Variants in THSD7B observed in about 807,000 individuals in gnomAD.
THSD7B encodes the protein thrombospondin type-1 domain-containing protein 7B.
A neutral mutation model predicts 213.6 loss-of-function variants in THSD7B; 138 were observed. The ratio of observed to expected loss-of-function variants is 0.65; its 90% CI spans 0.56 to 0.74. The LOEUF (loss-of-function observed/expected upper bound fraction) is 0.74, where lower values mean the gene tolerates loss of function less well. Ranked by LOEUF, THSD7B falls within the 30% of genes least tolerant of loss-of-function variation. The pLI is 0.00. For missense variants in THSD7B, 1,931 were observed against 1,991.5 expected, an observed-to-expected ratio of 0.97 and a Z score of 0.58; for synonymous variants, 742 against 687.0, an observed-to-expected ratio of 1.08 and a Z score of -1.25.
At chr2:137,359,703 G>C (rs900692089) in intron 12 of THSD7B, among the ~76,000 whole-genome samples, 1 of 152,142 alleles carries the variant, frequency 6.6e-6, no homozygotes, top group Non-Finnish European at 1.5e-5. Context: ...CCTGGGTACC[G>C]TGAACTTCTA....
At chr2:137,297,884 C>G (rs1282407718) in intron 12 of THSD7B, among the ~76,000 whole-genome samples, 2 of 152,150 alleles carry the variant, frequency 1.3e-5, no homozygotes, top group Non-Finnish European at 2.9e-5. Flanking sequence ...AAACCTCTTT[C>G]TTTTGTAAAT....
chr2:137,366,394 A>T (rs1429909058), intron 12 of THSD7B, among the ~76,000 whole-genome samples: 1 of 145,280 alleles, frequency 6.9e-6, no homozygotes, highest in African/African-American at 2.6e-5. Context: ...GTATAATAAT[A>T]AAAAAAAAAA....
chr2:137,014,633 C>T (rs1450570828), intron 2 of THSD7B, among the ~76,000 whole-genome samples: 1 of 152,196 alleles, frequency 6.6e-6, no homozygotes, highest in Admixed American at 6.5e-5. Flanking sequence ...CCAATTCAGG[C>T]TGCCCAGTGT....
At chr2:137,375,318 A>G (rs1010397384) in intron 12 of THSD7B, among the ~76,000 whole-genome samples, 7 of 152,204 alleles carry the variant, frequency 4.6e-5, no homozygotes, top group African/African-American at 7.2e-5. Context: ...GTCATTTGGT[A>G]TTGAAATATA....
At chr2:137,417,594 A>C (rs765870613) in intron 14 of THSD7B, among the ~76,000 whole-genome samples, 1 of 151,668 alleles carries the variant, frequency 6.6e-6, no homozygotes, top group Non-Finnish European at 1.5e-5. Flanking sequence ...CTAATTTTTT[A>C]TTTTTATTTT....
chr2:136,893,247 T>C (rs1204199271), intron 2 of THSD7B, among the ~76,000 whole-genome samples: 1 of 152,186 alleles, frequency 6.6e-6, no homozygotes, highest in Non-Finnish European at 1.5e-5. Context: ...TTTTTCAGAT[T>C]AAAACTTCAA....
intron 17 of THSD7B, among the ~76,000 whole-genome samples, chr2:137,600,891 G>T (rs915696341): frequency 6.6e-6 from 1 of 152,104 alleles, no homozygotes; most frequent in Non-Finnish European, 1.5e-5. Flanking sequence ...AAGACAGGGA[G>T]GTGGAAGACA....
intron 15 of THSD7B, among the ~76,000 whole-genome samples, chr2:137,541,398 A>C (rs969249442): frequency 6.6e-6 from 1 of 151,734 alleles, no homozygotes. Flanking sequence ...ACTATTTTTC[A>C]AATATTTTAT....
rs1553478049 is a variant in THSD7B, at chr2:137,195,251, TAC to T, written c.1723+24326_1723+24327del. ...GTATGTGTGTATATATATATATATA[TAC>T]ACACACACACACGTGTTTCTATATT... On this transcript the variant is annotated intron_variant, in intron 7 of 27. Coordinates refer to ENST00000409968, the MANE Select transcript of THSD7B (RefSeq NM_001316349.2). 3.2e-3 allele frequency among the ~76,000 whole-genome samples: 475 copies of T among 150,086 alleles called. 4 individuals carry two copies. The highest frequency in any genetic ancestry group is 9.1e-3 in the African/African-American group (374 of 40,952).
chr2:137,453,464 T>C (rs6430718), intron 15 of THSD7B, among the ~76,000 whole-genome samples: 146,498 of 151,378 alleles, frequency 0.97, 71,051 homozygotes, highest in Non-Finnish European at 1. Context: ...CATGTAGCTG[T>C]GGCTACAGGC....
Position 137,057,092 on chromosome 2 carries a change from C to CATT in THSD7B, c.812_813insATT (p.Ser271_Asp272insPhe). On this transcript the variant is annotated inframe_insertion, in exon 3 of 28. Coordinates refer to ENST00000409968, the MANE Select transcript of THSD7B (RefSeq NM_001316349.2). The stretch of plus-strand genomic sequence containing the variant: ...GGAAGAACTGTTCTGGATTTTAACT[C>CATT]TGATTCAAATGAGCGAGTCACCTTT... 1.9e-6 allele frequency: 3 copies of CATT among 1,613,936 alleles called. No individual in the cohort carries two copies. Among genetic ancestry groups the CATT allele is most frequent in the Non-Finnish European group, 1.7e-6 (2 of 1,179,888 alleles).
chr2:137,236,754 T>C (rs1681771776), intron 9 of THSD7B, among the ~76,000 whole-genome samples: 1 of 152,022 alleles, frequency 6.6e-6, no homozygotes, highest in Non-Finnish European at 1.5e-5. Flanking sequence ...ATTATGGAGG[T>C]GTAGCTAAAA....
intron 2 of THSD7B, among the ~76,000 whole-genome samples, chr2:137,038,483 C>T (rs1334663959): frequency 1.3e-5 from 2 of 152,194 alleles, no homozygotes; most frequent in Non-Finnish European, 2.9e-5. Flanking sequence ...TCACAGGCAT[C>T]ATTGCTGGGA....
At chr2:137,434,921 C>T (rs1483553426) in intron 14 of THSD7B, among the ~76,000 whole-genome samples, 1 of 152,126 alleles carries the variant, frequency 6.6e-6, no homozygotes, top group Non-Finnish European at 1.5e-5. Flanking sequence ...TGTACTTAAT[C>T]GTTTGCCAAG....
intron 7 of THSD7B, among the ~76,000 whole-genome samples, chr2:137,217,976 C>T (rs1681286361): frequency 6.6e-6 from 1 of 152,064 alleles, no homozygotes; most frequent in African/African-American, 2.4e-5. Flanking sequence ...GTTTAACTGC[C>T]TAGAAAAATT....
intron 12 of THSD7B, among the ~76,000 whole-genome samples, chr2:137,292,840 T>C (rs1410478472): frequency 6.6e-6 from 1 of 152,170 alleles, no homozygotes; most frequent in Non-Finnish European, 1.5e-5. Flanking sequence ...CGTTGGCCAT[T>C]CCATGTATAT....
intron 15 of THSD7B, among the ~76,000 whole-genome samples, chr2:137,523,216 T>C (rs932688648): frequency 2.0e-5 from 3 of 152,204 alleles, no homozygotes; most frequent in African/African-American, 7.2e-5. Context: ...CAAAATTCAA[T>C]TTTTGCCACA....
Position 137,676,647 on chromosome 2 carries a change from C to A in THSD7B, c.*42C>A. The A allele has an allele frequency of 6.7e-7, 1 of 1,496,742 alleles. No homozygotes were observed. Among genetic ancestry groups the A allele is most frequent in the Non-Finnish European group, 8.9e-7 (1 of 1,120,100 alleles). 92.7% of individuals were successfully genotyped at this position (1,496,742 alleles called of 1,614,324 possible). A position where few individuals can be genotyped will look rare whatever the true frequency, so the allele number is the denominator to read the frequency against. On this transcript the variant is annotated 3_prime_UTR_variant, in exon 28 of 28. Transcript: ENST00000409968. ...AAATGTAGACATCAACTGCCTTAAC[C>A]GCTTTCTCTTTTGTAGCTCTCAGAC... is the stretch of plus-strand genomic sequence containing the variant.
At position 137,229,140 on chromosome 2, in the gene THSD7B, C is replaced by A. The variant is rs1385427670; in HGVS notation, c.1724-1904C>A. Among the ~76,000 whole-genome samples, 7 of 152,190 alleles carry A rather than the reference C, an allele frequency of 4.6e-5. No individual in the cohort carries two copies. The East Asian group carries it at 1.4e-3, about 29-fold the overall frequency. ...ACCAATGTTACTATTTTTAACCCAACCCTCACCACCTTTCCCCTTACTTTT... is the reference window on the plus strand; with the variant it reads ...ACCAATGTTACTATTTTTAACCCAAACCTCACCACCTTTCCCCTTACTTTT... On this transcript the variant is annotated intron_variant, in intron 7 of 27. Coordinates refer to ENST00000409968, the MANE Select transcript of THSD7B (RefSeq NM_001316349.2).
Sources: allele counts gnomAD v4.1 joint callset (sites outside exome capture counted in the v4.1 genomes callset), GRCh38; gene constraint gnomAD v4.1.1; transcripts MANE v1.5; gene names NCBI Gene and HGNC (gene_info 2026-07-23, HGNC 2026-07-21).